Variants in TMEM170B observed in about 807,000 individuals in gnomAD.
TMEM170B encodes the protein transmembrane protein 170B.
TMEM170B carries 6 observed loss-of-function variants against 13.0 expected under a neutral mutation model. The observed-to-expected ratio is 0.46, with a 90% confidence interval of 0.25 to 0.91. TMEM170B has a LOEUF of 0.91. Among genes scored for constraint, TMEM170B ranks in the 40% least tolerant of loss-of-function variants. TMEM170B has a pLI of 0.17. For synonymous variants in TMEM170B, 61 were observed against 64.9 expected (o/e 0.94, Z 0.29); for missense variants, 138 against 165.2 (o/e 0.84, Z 0.90).
Position 11,577,803 on chromosome 6 carries a change from G to T in TMEM170B, c.*2242G>T, listed in dbSNP as rs1437936444. 1.3e-5 allele frequency: 2 copies of T among 152,004 alleles called. No individual in the cohort carries two copies. The highest frequency in any genetic ancestry group is 2.9e-5 in the Non-Finnish European group (2 of 67,944). 9.4% of individuals were successfully genotyped at this position (152,004 alleles called of 1,614,324 possible). A position where few individuals can be genotyped will look rare whatever the true frequency, so the allele number is the denominator to read the frequency against. On this transcript the variant is annotated 3_prime_UTR_variant, in exon 3 of 3. Coordinates refer to ENST00000379426, the MANE Select transcript of TMEM170B (RefSeq NM_001100829.3). ...CAAGTTGCTTTACATTATCAATTGT[G>T]TGTGTATGTGTATACTTTTAATTTT...
chr6:11,563,951 T>A (rs1759703912), intron 1 of TMEM170B, among the ~76,000 whole-genome samples: 1 of 152,180 alleles, frequency 6.6e-6, no homozygotes, highest in South Asian at 2.1e-4. Flanking sequence ...GCCTGGGTGA[T>A]GGAGCAAGAC....
At chr6:11,567,961 A>G (rs759383455) in intron 2 of TMEM170B, among the ~76,000 whole-genome samples, 35 of 152,204 alleles carry the variant, frequency 2.3e-4, no homozygotes, top group Middle Eastern at 3.2e-3. Flanking sequence ...ATATAGAATT[A>G]ATGTAAAGAA....
rs12209963 is a variant in TMEM170B at position 11,580,044 on chromosome 6, C to T, written c.*4483C>T. 8,859 of 154,382 alleles carry T rather than the reference C, an allele frequency of 0.057. 277 individuals are homozygous for T. The highest frequency in any genetic ancestry group is 0.16 in the East Asian group (821 of 5,268). 9.6% of individuals were successfully genotyped at this position (154,382 alleles called of 1,614,324 possible). A position where few individuals can be genotyped will look rare whatever the true frequency, so the allele number is the denominator to read the frequency against. On this transcript the variant is annotated 3_prime_UTR_variant, in exon 3 of 3. Transcript: ENST00000379426. ...TTATTTATTTTTTGAGACGGAGTTT[C>T]GCTCTTGTTGCCCAGGCTGCAGTGC... is the stretch of plus-strand genomic sequence containing the variant.
intron 1 of TMEM170B, among the ~76,000 whole-genome samples, chr6:11,555,435 A>T (rs1019973014): frequency 1.6e-4 from 25 of 151,958 alleles, no homozygotes; most frequent in African/African-American, 5.3e-4. Context: ...TTATCTTAGG[A>T]TTCTGTGAGA....
At chr6:11,543,588 C>G (rs1759391247) in intron 1 of TMEM170B, among the ~76,000 whole-genome samples, 1 of 152,060 alleles carries the variant, frequency 6.6e-6, no homozygotes, top group Non-Finnish European at 1.5e-5. Flanking sequence ...AAGTCATTAT[C>G]TTTTTTCATA....
intron 1 of TMEM170B, among the ~76,000 whole-genome samples, chr6:11,547,091 CGAA>C (rs1467545363): frequency 2.6e-5 from 4 of 152,036 alleles, no homozygotes; most frequent in African/African-American, 9.7e-5. Flanking sequence ...TGCAGATAAA[CGAA>C]GAGTATTGTA....
chr6:11,538,317 T>A lies in TMEM170B; in HGVS notation c.40T>A (p.Ser14Thr). Residue 14 changes from serine to threonine, a missense_variant, in exon 1 of 3, where the codon TCG (serine) becomes ACG (threonine). Transcript: ENST00000379426. Reference sequence around the variant, plus strand: ...GGGCGACCACTCCATGATCAACCTGTCGGTGCAGCAGGTCCTGAGCCTCTG... The same window carrying A: ...GGGCGACCACTCCATGATCAACCTGACGGTGCAGCAGGTCCTGAGCCTCTG... ...EGGDHSMINL[S>T]VQQVLSLWAH... 5 of 1,491,386 alleles carry A rather than the reference T, an allele frequency of 3.4e-6. No individual in the cohort carries two copies. Among genetic ancestry groups the A allele is most frequent in the Non-Finnish European group, 4.4e-6 (5 of 1,127,080 alleles). The allele number at this position is 1,491,386 out of a possible 1,614,324, so 92.4% of individuals were successfully genotyped here.
At chr6:11,571,509 A>G (rs1759801484) in intron 2 of TMEM170B, among the ~76,000 whole-genome samples, 1 of 152,078 alleles carries the variant, frequency 6.6e-6, no homozygotes, top group Non-Finnish European at 1.5e-5. Flanking sequence ...TCTTGGCAGT[A>G]TTGCTTTCTC....
intron 2 of TMEM170B, among the ~76,000 whole-genome samples, chr6:11,574,148 C>T (rs1213727397): frequency 6.6e-6 from 1 of 152,006 alleles, no homozygotes; most frequent in East Asian, 1.9e-4. Context: ...CCTCTCTGAA[C>T]CTCTGTTTTT....
At chr6:11,545,361 G>A (rs1214578930) in intron 1 of TMEM170B, among the ~76,000 whole-genome samples, 3 of 148,976 alleles carry the variant, frequency 2.0e-5, no homozygotes, top group Admixed American at 1.3e-4. Flanking sequence ...TTATTCAAAG[G>A]CAATATGTTC....
intron 1 of TMEM170B, among the ~76,000 whole-genome samples, chr6:11,539,778 A>T (rs1010016255): frequency 2.0e-5 from 3 of 152,216 alleles, no homozygotes; most frequent in African/African-American, 7.2e-5. Flanking sequence ...GCTTGCATTT[A>T]TCCACTGTTT....
intron 1 of TMEM170B, among the ~76,000 whole-genome samples, chr6:11,541,480 A>G (rs1759360184): frequency 2.0e-5 from 3 of 152,202 alleles, no homozygotes; most frequent in African/African-American, 7.2e-5. Context: ...CCTGCATGGA[A>G]TTGAAGAGAG....
At chr6:11,569,576 A>G (rs1328914976) in intron 2 of TMEM170B, among the ~76,000 whole-genome samples, 1 of 152,182 alleles carries the variant, frequency 6.6e-6, no homozygotes, top group African/African-American at 2.4e-5. Context: ...GCAGCCATAG[A>G]CATATGTAAA....
At chr6:11,558,191 T>G (rs1455430295) in intron 1 of TMEM170B, among the ~76,000 whole-genome samples, 3 of 152,200 alleles carry the variant, frequency 2.0e-5, no homozygotes, top group African/African-American at 7.2e-5. Context: ...ACTTCTTTAT[T>G]TAAAGTTTTT....
chr6:11,566,784 C>G (rs370891942), intron 2 of TMEM170B, among the ~76,000 whole-genome samples: 3 of 152,210 alleles, frequency 2.0e-5, no homozygotes, highest in African/African-American at 4.8e-5. Context: ...GTGAGCCACC[C>G]GCATGCGCGG....
At chr6:11,545,678 C>T (rs10947402) in intron 1 of TMEM170B, among the ~76,000 whole-genome samples, 8,784 of 151,704 alleles carry the variant, frequency 0.058, 274 homozygotes, top group East Asian at 0.16. Flanking sequence ...GTGTTACTGG[C>T]TTATGTATTT....
At position 11,537,971 on chromosome 6, in the gene TMEM170B, C is replaced by T. The variant is rs1759302191; in HGVS notation, c.-307C>T. 6.6e-6 allele frequency among the ~76,000 whole-genome samples: 1 copy of T among 151,400 alleles called. No individual in the cohort carries two copies. The highest frequency in any genetic ancestry group is 1.5e-5 in the Non-Finnish European group (1 of 67,696). ...GCCCCTGAGAGGGAGCGGCGGCGGC[C>T]TCCTCCGCCCCGAGTCCTCGCTCGG... On this transcript the variant is annotated 5_prime_UTR_variant, in exon 1 of 3. Transcript: ENST00000379426.
At chr6:11,560,619 A>G (rs1759651180) in intron 1 of TMEM170B, among the ~76,000 whole-genome samples, 1 of 151,762 alleles carries the variant, frequency 6.6e-6, no homozygotes, top group South Asian at 2.1e-4. Context: ...AATTTCTAAA[A>G]ATATTATATT....
rs373547357 is a variant in TMEM170B at position 11,575,290 on chromosome 6, T to C, written c.269-141T>C. On this transcript the variant is annotated intron_variant, in intron 2 of 2. Coordinates refer to ENST00000379426, the MANE Select transcript of TMEM170B (RefSeq NM_001100829.3). The surrounding 1 kb of genome is among the most constrained non-coding windows in gnomAD (Gnocchi z 4.1). ...TAACTTTCACCAATCACAGGGAAACTTTTTCATAGAAAGTGGATAAAATGA... is the reference window on the plus strand; with the variant it reads ...TAACTTTCACCAATCACAGGGAAACCTTTTCATAGAAAGTGGATAAAATGA... 8.2e-6 allele frequency: 10 copies of C among 1,214,066 alleles called. No homozygotes were observed. In the African/African-American group the frequency reaches 1.2e-4, roughly 15 times the overall value. The allele number at this position is 1,214,066 out of a possible 1,614,324, so 75.2% of individuals were successfully genotyped here.
Sources: gnomAD v4.1 joint callset for allele counts (sites outside exome capture counted in the v4.1 genomes callset) on GRCh38, gnomAD v4.1.1 for gene constraint, Gnocchi (gnomAD v3.1) non-coding constraint, MANE v1.5 for transcripts, NCBI Gene and HGNC (gene_info 2026-07-23, HGNC 2026-07-21) for gene names.